Variants in SLC1A2 observed in about 807,000 individuals in gnomAD.
SLC1A2 encodes the protein excitatory amino acid transporter 2.
SLC1A2 carries 15 observed loss-of-function variants against 48.8 expected under a neutral mutation model. The observed-to-expected ratio is 0.31, with a 90% confidence interval of 0.21 to 0.47. The LOEUF (loss-of-function observed/expected upper bound fraction) is 0.47, where lower values mean the gene tolerates loss of function less well. SLC1A2 is among the 20% of genes least tolerant of loss of function. SLC1A2 has a pLI of 0.99. For synonymous variants in SLC1A2, 279 were observed against 272.6 expected, an observed-to-expected ratio of 1.02 and a Z score of -0.23; for missense variants, 502 against 730.5, an observed-to-expected ratio of 0.69 and a Z score of 3.61.
intron 1 of SLC1A2, among the ~76,000 whole-genome samples, chr11:35,329,692 T>A (rs1852366147): frequency 6.6e-6 from 1 of 152,198 alleles, no homozygotes; most frequent in Admixed American, 6.5e-5. Context: ...CACATACCAA[T>A]GTCTGGTCAA....
At chr11:35,356,425 C>T (rs1442815868) in intron 1 of SLC1A2, among the ~76,000 whole-genome samples, 3 of 152,182 alleles carry the variant, frequency 2.0e-5, no homozygotes, top group Non-Finnish European at 2.9e-5. Context: ...TCTGGCCATG[C>T]GTTATGGCAG....
At chr11:35,413,510 C>G (rs1855525487) in intron 1 of SLC1A2, among the ~76,000 whole-genome samples, 1 of 152,102 alleles carries the variant, frequency 6.6e-6, no homozygotes, top group African/African-American at 2.4e-5. Context: ...TAAATGGTAC[C>G]AAGATAAAAG....
At position 35,253,946 on chromosome 11, in the gene SLC1A2, A is replaced by G. The variant is rs1039932754; in HGVS notation, c.*6948T>C. The G allele has an allele frequency of 1.3e-5, 2 of 152,630 alleles. No homozygotes were observed. Among genetic ancestry groups the G allele is most frequent in the Admixed American group, 6.5e-5 (1 of 15,302 alleles). 9.5% of individuals were successfully genotyped at this position (152,630 alleles called of 1,614,324 possible). A position where few individuals can be genotyped will look rare whatever the true frequency, so the allele number is the denominator to read the frequency against. On this transcript the variant is annotated 3_prime_UTR_variant, in exon 11 of 11. Coordinates refer to ENST00000278379, the MANE Select transcript of SLC1A2 (RefSeq NM_004171.4). ...AATTAATATTAAACATATAACATCCAGGTCTATAAATACATTTTCTAATGC... is the reference window on the plus strand; with the variant it reads ...AATTAATATTAAACATATAACATCCGGGTCTATAAATACATTTTCTAATGC...
intron 1 of SLC1A2, among the ~76,000 whole-genome samples, chr11:35,334,092 G>A (rs1332890713): frequency 6.6e-6 from 1 of 152,136 alleles, no homozygotes; most frequent in Non-Finnish European, 1.5e-5. Context: ...GCAACAATCA[G>A]ATAGAACTAA....
At chr11:35,277,075 C>A (rs143686111) in intron 9 of SLC1A2, among the ~76,000 whole-genome samples, 300 of 152,282 alleles carry the variant, frequency 2.0e-3, no homozygotes, top group Middle Eastern at 6.8e-3. Flanking sequence ...ATGCACCAAC[C>A]CCACTCATGA....
At chr11:35,303,906 A>T (rs1327904990) in intron 5 of SLC1A2, among the ~76,000 whole-genome samples, 1 of 152,196 alleles carries the variant, frequency 6.6e-6, no homozygotes, top group African/African-American at 2.4e-5. Context: ...GAAAGACAGC[A>T]AAACAAACAA....
At chr11:35,403,177 A>G (rs1855185606) in intron 1 of SLC1A2, among the ~76,000 whole-genome samples, 1 of 152,218 alleles carries the variant, frequency 6.6e-6, no homozygotes, top group African/African-American at 2.4e-5. Context: ...ATCCATTCCA[A>G]AACCCTATCA....
intron 10 of SLC1A2, among the ~76,000 whole-genome samples, 165 bp from the exon 11 acceptor site, chr11:35,261,130 A>G (rs148634362): frequency 2.6e-5 from 4 of 152,356 alleles, no homozygotes; most frequent in African/African-American, 9.6e-5. Context: ...TTGGGTTTCA[A>G]CAGTGATCTG....
chr11:35,394,107 A>G (rs1181181018), intron 1 of SLC1A2, among the ~76,000 whole-genome samples: 2 of 150,634 alleles, frequency 1.3e-5, no homozygotes, highest in Non-Finnish European at 3.0e-5. Flanking sequence ...CCTTGAACAA[A>G]CCCCAGCCCC....
In SLC1A2 at chr11:35,292,299, C is replaced by G; in HGVS notation, c.1079G>C (p.Gly360Ala). The G allele has an allele frequency of 1.2e-6, 2 of 1,612,122 alleles. No individual in the cohort carries two copies. Among genetic ancestry groups the G allele is most frequent in the Non-Finnish European group, 8.5e-7 (1 of 1,178,292 alleles). The change falls in exon 7 of 11, where the codon GGC becomes GCC. Residue 360 changes from glycine to alanine, a missense_variant. Around this residue, in one of 4 missense-constraint regions of SLC1A2, gnomAD observed 309 missense variants for 480.3 expected, o/e 0.64. Transcript: ENST00000278379. Reference protein sequence around the residue: ...GIFQAWITALGTASSAGTLPV... With the variant: ...GIFQAWITALATASSAGTLPV... ...TTTTGTTCTCTACCTGGAAGCGGTG[C>G]CCAGGGCAGTGATCCAAGCTTGGAA...
rs1363853694 is a variant in SLC1A2, at chr11:35,418,931, C to T, written c.17+19G>A. The T allele has an allele frequency of 3.8e-6, 6 of 1,558,864 alleles. No homozygotes were observed. The highest frequency in any genetic ancestry group is 4.3e-6 in the Non-Finnish European group (5 of 1,149,836). ...GCGTGACCCCGCTTTCCCGCGGGTA[C>T]AGATAAAAATCCCCTCACCCTTCCG... On this transcript the variant is annotated intron_variant, in intron 1 of 10. Coordinates refer to ENST00000278379, the MANE Select transcript of SLC1A2 (RefSeq NM_004171.4).
chr11:35,387,523 C>G (rs1854623161), intron 1 of SLC1A2, among the ~76,000 whole-genome samples: 1 of 152,172 alleles, frequency 6.6e-6, no homozygotes, highest in South Asian at 2.1e-4. Flanking sequence ...AGACAAAGCT[C>G]ATTAATAATT....
intron 9 of SLC1A2, among the ~76,000 whole-genome samples, chr11:35,277,015 G>A (rs187796301): frequency 3.3e-5 from 5 of 152,266 alleles, no homozygotes; most frequent in African/African-American, 7.2e-5. Flanking sequence ...CATAGCAGAA[G>A]GCAGAAAGAC....
intron 1 of SLC1A2, among the ~76,000 whole-genome samples, chr11:35,389,474 AT>A (rs1027263981): frequency 3.0e-5 from 4 of 132,046 alleles, no homozygotes; most frequent in Non-Finnish European, 6.7e-5. Context: ...TCTTATTATT[AT>A]TTTTCTTTTG....
intron 1 of SLC1A2, among the ~76,000 whole-genome samples, chr11:35,361,271 T>C (rs1565275300): frequency 2.0e-5 from 3 of 152,244 alleles, no homozygotes; most frequent in Admixed American, 6.5e-5. Flanking sequence ...TTAAAGGCTC[T>C]GAGAAATTCT....
chr11:35,380,411 A>T (rs1378750322), intron 1 of SLC1A2: 1 of 398,466 alleles, frequency 2.5e-6, no homozygotes, highest in African/African-American at 2.1e-5. Context: ...GGGCCTCTTC[A>T]TGGATGCATA....
intron 3 of SLC1A2, 97 bp downstream of exon 3, chr11:35,314,926 A>G: frequency 1.2e-6 from 1 of 826,502 alleles, no homozygotes; most frequent in Non-Finnish European, 2.0e-6. Flanking sequence ...GACATAGACG[A>G]TCACATTCAC....
chr11:35,398,098 G>A (rs1006491431), intron 1 of SLC1A2, among the ~76,000 whole-genome samples: 5 of 152,152 alleles, frequency 3.3e-5, no homozygotes, highest in Non-Finnish European at 7.3e-5. Flanking sequence ...AAGGGGACTG[G>A]AACATCCTGA....
At chr11:35,308,358 C>T (rs1040584919) in intron 4 of SLC1A2, among the ~76,000 whole-genome samples, 2 of 152,190 alleles carry the variant, frequency 1.3e-5, no homozygotes, top group African/African-American at 2.4e-5. Flanking sequence ...CGAACGCAGG[C>T]CGAGTTCTCT....
Sources: allele counts gnomAD v4.1 joint callset (sites outside exome capture counted in the v4.1 genomes callset), GRCh38; gene constraint gnomAD v4.1.1; regional missense constraint gnomAD v4.1.1; transcripts MANE v1.5; gene names NCBI Gene and HGNC (gene_info 2026-07-23, HGNC 2026-07-21).